Variants in GMDS observed in about 807,000 individuals in gnomAD.
The protein encoded by GMDS is GDP-mannose 4,6 dehydratase.
A neutral mutation model predicts 49.9 loss-of-function variants in GMDS; 20 were observed. The ratio of observed to expected loss-of-function variants is 0.40; its 90% CI spans 0.28 to 0.58. GMDS has a LOEUF of 0.58. GMDS is among the 20% of genes least tolerant of loss of function. The probability of loss-of-function intolerance (pLI) is 0.42; values close to 1 mark genes in which losing one functional copy is unlikely to be tolerated. For synonymous variants in GMDS, 177 were observed against 178.6 expected, an observed-to-expected ratio of 0.99 and a Z score of 0.07; for missense variants, 362 against 481.4, an observed-to-expected ratio of 0.75 and a Z score of 2.32.
Position 2,191,607 on chromosome 6 carries a change from G to A in GMDS, c.102+53714C>T, listed in dbSNP as rs930003246. On this transcript the variant is annotated intron_variant, in intron 1 of 10. Transcript: ENST00000380815. The surrounding 1 kb of genome is among the most constrained non-coding windows in gnomAD (Gnocchi z 4.6). The stretch of plus-strand genomic sequence containing the variant: ...GCTCCAGGCACCTGCTATGATCTCC[G>A]AATGGGGTTGGGGCCAAGCCGGGGA... 5.3e-5 allele frequency among the ~76,000 whole-genome samples: 8 copies of A among 152,198 alleles called. No homozygotes were observed. The highest frequency in any genetic ancestry group is 2.1e-4 in the South Asian group (1 of 4,828).
At chr6:2,038,300 T>C (rs1769425151) in intron 4 of GMDS, among the ~76,000 whole-genome samples, 1 of 152,168 alleles carries the variant, frequency 6.6e-6, no homozygotes, top group Non-Finnish European at 1.5e-5. Context: ...AGTGAAGTGG[T>C]TAACCCACAT....
intron 5 of GMDS, 124 bp from the exon 6 acceptor site, chr6:1,960,095 C>T (rs1209598698): frequency 1.9e-6 from 1 of 535,210 alleles, no homozygotes; most frequent in East Asian, 3.1e-5. Context: ...AAAAAAGTAT[C>T]AAAACCCAAA....
intron 1 of GMDS, among the ~76,000 whole-genome samples, chr6:2,127,064 T>G (rs568689788): frequency 6.6e-6 from 1 of 152,298 alleles, no homozygotes; most frequent in African/African-American, 2.4e-5. Flanking sequence ...TTTTTACATA[T>G]CTAAAATATA....
chr6:2,226,067 T>C (rs1316692952), intron 1 of GMDS, among the ~76,000 whole-genome samples: 1 of 151,654 alleles, frequency 6.6e-6, no homozygotes. Context: ...AGAAATGAAA[T>C]AGAGGCAGAA....
chr6:1,721,586 C>G (rs970946867), intron 9 of GMDS, among the ~76,000 whole-genome samples: 2 of 151,756 alleles, frequency 1.3e-5, no homozygotes, highest in Non-Finnish European at 2.9e-5. Context: ...TCCCAAGATG[C>G]TCTGCAGAAA....
chr6:2,017,403 G>T (rs1295612732), intron 4 of GMDS, among the ~76,000 whole-genome samples: 1 of 152,046 alleles, frequency 6.6e-6, no homozygotes, highest in Non-Finnish European at 1.5e-5. Flanking sequence ...CCGCCTCCTG[G>T]GTTCCAGCAA....
chr6:2,092,849 CA>C (rs969986835), intron 4 of GMDS, among the ~76,000 whole-genome samples: 3 of 151,758 alleles, frequency 2.0e-5, no homozygotes, highest in Admixed American at 6.6e-5. Flanking sequence ...TTTAGATATC[CA>C]AAAAACAACC....
intron 4 of GMDS, among the ~76,000 whole-genome samples, chr6:1,966,861 T>C (rs377118298): frequency 1.2e-4 from 19 of 152,142 alleles, no homozygotes; most frequent in African/African-American, 4.6e-4. Flanking sequence ...TCACTGAAAT[T>C]TAACCAGTTC....
intron 1 of GMDS, among the ~76,000 whole-genome samples, chr6:2,189,854 C>T (rs1422605566): frequency 6.6e-6 from 1 of 152,230 alleles, no homozygotes; most frequent in Non-Finnish European, 1.5e-5. Flanking sequence ...ATCAATTCTG[C>T]TCAAACTTAA....
intron 7 of GMDS, among the ~76,000 whole-genome samples, chr6:1,919,139 G>C (rs374058412): frequency 4.9e-4 from 74 of 152,136 alleles, no homozygotes; most frequent in Non-Finnish European, 8.7e-4. Flanking sequence ...AGGCATGTTG[G>C]GAGGGATGAT....
chr6:2,147,701 C>T (rs1464420374), intron 1 of GMDS, among the ~76,000 whole-genome samples: 1 of 151,488 alleles, frequency 6.6e-6, no homozygotes, highest in African/African-American at 2.4e-5. Flanking sequence ...GCTTGTATTT[C>T]TCACAGGGAT....
chr6:1,986,225 C>T (rs1482054457), intron 4 of GMDS, among the ~76,000 whole-genome samples: 1 of 152,094 alleles, frequency 6.6e-6, no homozygotes, highest in South Asian at 2.1e-4. Flanking sequence ...TTTCTAAAGT[C>T]AGGTGAGATG....
chr6:1,851,338 G>A (rs1380055835), intron 7 of GMDS, among the ~76,000 whole-genome samples: 1 of 152,122 alleles, frequency 6.6e-6, no homozygotes. Context: ...CTGAGAAAAC[G>A]TGTATTTTAT....
chr6:1,690,352 G>T lies in GMDS; in HGVS notation c.987+36064C>A, dbSNP rs935816710. 1.4e-4 allele frequency among the ~76,000 whole-genome samples: 21 copies of T among 152,242 alleles called. No individual in the cohort carries two copies. The East Asian group carries it at 3.1e-3, about 22-fold the overall frequency. On this transcript the variant is annotated intron_variant, in intron 9 of 10. Coordinates refer to ENST00000380815, the MANE Select transcript of GMDS (RefSeq NM_001500.4). The stretch of plus-strand genomic sequence containing the variant: ...TTTCTTCTAGGGTTTTATAGTTCGA[G>T]ATTTTACATTTAAGTCTTTAATCCA...
At chr6:2,045,962 G>T (rs1042127512) in intron 4 of GMDS, among the ~76,000 whole-genome samples, 1 of 152,146 alleles carries the variant, frequency 6.6e-6, no homozygotes, top group African/African-American at 2.4e-5. Flanking sequence ...TGTAATCCCA[G>T]AATTTTGGGA....
Position 1,782,764 on chromosome 6 carries a change from C to A in GMDS, c.772-40178G>T, listed in dbSNP as rs61479650. On this transcript the variant is annotated intron_variant, in intron 7 of 10. Coordinates refer to ENST00000380815, the MANE Select transcript of GMDS (RefSeq NM_001500.4). ...CTTATAAAATAATTTGACTAAATGT[C>A]CACTGTGGGCCAGGCACTACCCCAT... Among the ~76,000 whole-genome samples, 1,451 of 152,320 alleles carry A rather than the reference C, an allele frequency of 9.5e-3. 21 individuals carry two copies. The highest frequency in any genetic ancestry group is 0.033 in the African/African-American group (1,369 of 41,564).
chr6:1,762,055 G>A (rs568261057), intron 7 of GMDS, among the ~76,000 whole-genome samples: 12 of 152,324 alleles, frequency 7.9e-5, no homozygotes, highest in South Asian at 2.1e-4. Context: ...AGAAAAAGCC[G>A]AGAAGCACAG....
At chr6:2,215,989 A>G (rs1780317010) in intron 1 of GMDS, among the ~76,000 whole-genome samples, 1 of 152,342 alleles carries the variant, frequency 6.6e-6, no homozygotes, top group Admixed American at 6.5e-5. Flanking sequence ...GGGATCACGG[A>G]AACATAGAGC....
intron 8 of GMDS, among the ~76,000 whole-genome samples, chr6:1,733,445 G>T (rs1766893116): frequency 6.6e-6 from 1 of 152,194 alleles, no homozygotes; most frequent in Admixed American, 6.5e-5. Flanking sequence ...GCAGAACAGG[G>T]GGAGAGAGAG....
Sources: gnomAD v4.1 joint callset for allele counts (sites outside exome capture counted in the v4.1 genomes callset) on GRCh38, gnomAD v4.1.1 for gene constraint, Gnocchi (gnomAD v3.1) non-coding constraint, MANE v1.5 for transcripts, NCBI Gene and HGNC (gene_info 2026-07-23, HGNC 2026-07-21) for gene names.